Variants in MFHAS1 observed in about 807,000 individuals in gnomAD.
MFHAS1 encodes the protein malignant fibrous histiocytoma-amplified sequence 1.
In MFHAS1, 50 loss-of-function variants were observed where a neutral mutation model predicts 70.4. That is an observed-to-expected ratio of 0.71 (90% confidence interval 0.57 to 0.90). The LOEUF (loss-of-function observed/expected upper bound fraction) is 0.90. MFHAS1 is among the 40% of genes least tolerant of loss of function. The pLI is 0.00. For synonymous variants in MFHAS1, 952 were observed against 620.0 expected (o/e 1.54, Z -7.96); for missense variants, 1,795 against 1,347.6 (o/e 1.33, Z -5.20).
chr8:8,825,788 C>T (rs1411652830), intron 1 of MFHAS1, among the ~76,000 whole-genome samples: 2 of 152,166 alleles, frequency 1.3e-5, no homozygotes, highest in Admixed American at 6.5e-5. Flanking sequence ...GAACACAATT[C>T]AGCCATAACA....
At chr8:8,832,367 C>T (rs1021715680) in intron 1 of MFHAS1, among the ~76,000 whole-genome samples, 11 of 150,102 alleles carry the variant, frequency 7.3e-5, no homozygotes, top group Non-Finnish European at 1.2e-4. Context: ...TCATACAGCT[C>T]AATGATAAGA....
chr8:8,821,214 A>G (rs1806943673), intron 1 of MFHAS1, among the ~76,000 whole-genome samples: 1 of 152,208 alleles, frequency 6.6e-6, no homozygotes, highest in Non-Finnish European at 1.5e-5. Flanking sequence ...CCGGGGGATT[A>G]GCAGCTTCTG....
chr8:8,873,993 G>A (rs1029290406), intron 1 of MFHAS1, among the ~76,000 whole-genome samples: 1 of 152,148 alleles, frequency 6.6e-6, no homozygotes, highest in African/African-American at 2.4e-5. Context: ...AAACAATGGT[G>A]TTCCAATACA....
chr8:8,881,555 G>C (rs1283591515), intron 1 of MFHAS1, among the ~76,000 whole-genome samples: 1 of 152,212 alleles, frequency 6.6e-6, no homozygotes, highest in African/African-American at 2.4e-5. Context: ...ATAGAATGTT[G>C]GCTGGGCATG....
chr8:8,861,575 G>A (rs1270362336), intron 1 of MFHAS1, among the ~76,000 whole-genome samples: 1 of 152,108 alleles, frequency 6.6e-6, no homozygotes, highest in African/African-American at 2.4e-5. Context: ...AAATTAACAA[G>A]ATATAATAAA....
chr8:8,876,862 A>C (rs763371611), intron 1 of MFHAS1, among the ~76,000 whole-genome samples: 10 of 152,006 alleles, frequency 6.6e-5, no homozygotes, highest in Non-Finnish European at 1.5e-4. Flanking sequence ...TGAACCCAGG[A>C]GGCAGAGGTT....
chr8:8,850,583 T>A (rs952542517), intron 1 of MFHAS1, among the ~76,000 whole-genome samples: 3 of 152,106 alleles, frequency 2.0e-5, no homozygotes, highest in African/African-American at 7.2e-5. Flanking sequence ...AGCTCACGCC[T>A]GTAATTTCAG....
chr8:8,811,097 T>C (rs1306271031), intron 1 of MFHAS1, among the ~76,000 whole-genome samples: 1 of 151,990 alleles, frequency 6.6e-6, no homozygotes, highest in African/African-American at 2.4e-5. Context: ...GGGAGAGGAT[T>C]CCAGCTGGAA....
intron 2 of MFHAS1, among the ~76,000 whole-genome samples, chr8:8,796,910 G>A (rs868818739): frequency 4.0e-5 from 6 of 151,222 alleles, no homozygotes; most frequent in African/African-American, 1.5e-4. Flanking sequence ...GCAGGAGAAT[G>A]GGGTGAACCC....
intron 1 of MFHAS1, among the ~76,000 whole-genome samples, chr8:8,817,861 G>C (rs1806806486): frequency 6.6e-6 from 1 of 152,180 alleles, no homozygotes; most frequent in Non-Finnish European, 1.5e-5. Flanking sequence ...TCGGACAGGA[G>C]GCAGAGCTCA....
chr8:8,837,805 A>T (rs1006848054), intron 1 of MFHAS1, among the ~76,000 whole-genome samples: 1 of 152,224 alleles, frequency 6.6e-6, no homozygotes, highest in African/African-American at 2.4e-5. Flanking sequence ...GAGAAACTGG[A>T]ACTCTTGTGC....
At chr8:8,843,194 C>A (rs939484232) in intron 1 of MFHAS1, among the ~76,000 whole-genome samples, 1 of 150,756 alleles carries the variant, frequency 6.6e-6, no homozygotes, top group South Asian at 2.1e-4. Flanking sequence ...GCGTGAACCC[C>A]GGAAGCGGAG....
intron 1 of MFHAS1, among the ~76,000 whole-genome samples, chr8:8,837,642 C>G (rs1807647590): frequency 1.3e-5 from 2 of 149,490 alleles, no homozygotes; most frequent in Non-Finnish European, 3.0e-5. Flanking sequence ...GACCCCATCT[C>G]AACTGAAAAA....
rs757507595 is a variant in MFHAS1, at chr8:8,890,808, T to G, written c.2251A>C (p.Lys751Gln). 1 of 1,614,164 alleles carries G rather than the reference T, an allele frequency of 6.2e-7. No homozygotes were observed. Among genetic ancestry groups the G allele is most frequent in the Non-Finnish European group, 8.5e-7 (1 of 1,180,026 alleles). Residue 751 changes from lysine (K) to glutamine (Q), a missense_variant, in exon 1 of 3, where the codon AAG becomes CAG. By Grantham distance (53) the Lys-to-Gln change is moderately conservative. Coordinates refer to ENST00000276282, the MANE Select transcript of MFHAS1 (RefSeq NM_004225.3). ...TCTCCACTGGTCCCTAGGAGCAGCT[T>G]ATGCAGCAGCAAAGAGGGATCCCTC... ...FQRDPSLLLH[K>Q]LLLGTSGEGK...
intron 1 of MFHAS1, among the ~76,000 whole-genome samples, chr8:8,820,454 C>T (rs532065302): frequency 2.6e-5 from 4 of 152,302 alleles, no homozygotes; most frequent in Non-Finnish European, 5.9e-5. Context: ...GTCAGGTTAG[C>T]GTGAGAATGG....
chr8:8,839,753 T>C (rs1017174115), intron 1 of MFHAS1, among the ~76,000 whole-genome samples: 21 of 152,332 alleles, frequency 1.4e-4, no homozygotes, highest in African/African-American at 5.1e-4. Flanking sequence ...AACACCATCA[T>C]GATATCCTTG....
At chr8:8,814,737 A>T (rs1171413508) in intron 1 of MFHAS1, among the ~76,000 whole-genome samples, 1 of 152,150 alleles carries the variant, frequency 6.6e-6, no homozygotes, top group Non-Finnish European at 1.5e-5. Flanking sequence ...ACAGGCACCA[A>T]AGAAGGTAAA....
chr8:8,856,227 G>A (rs1808432993), intron 1 of MFHAS1, among the ~76,000 whole-genome samples: 1 of 152,180 alleles, frequency 6.6e-6, no homozygotes, highest in Non-Finnish European at 1.5e-5. Flanking sequence ...AGCTGGGCAT[G>A]GTACAAGAGT....
At chr8:8,874,373 C>CACACACACAT (rs929974916) in intron 1 of MFHAS1, among the ~76,000 whole-genome samples, 1 of 148,314 alleles carries the variant, frequency 6.7e-6, no homozygotes, top group African/African-American at 2.5e-5. Context: ...CACACACACA[C>CACACACACAT]ATAATAATCT....
Sources: gnomAD v4.1 joint callset for allele counts (sites outside exome capture counted in the v4.1 genomes callset) on GRCh38, gnomAD v4.1.1 for gene constraint, MANE v1.5 for transcripts, NCBI Gene and HGNC (gene_info 2026-07-23, HGNC 2026-07-21) for gene names.